Variants in OPCML observed in about 807,000 individuals in gnomAD.
OPCML encodes the protein opioid binding protein/cell adhesion molecule like, also known as opioid-binding protein/cell adhesion molecule.
OPCML carries 13 observed loss-of-function variants against 37.8 expected under a neutral mutation model. The ratio of observed to expected loss-of-function variants is 0.34; its 90% CI spans 0.22 to 0.55. The LOEUF (loss-of-function observed/expected upper bound fraction) is 0.55, where lower values mean the gene tolerates loss of function less well. OPCML is among the 20% of genes least tolerant of loss of function. OPCML has a pLI of 0.91. For synonymous variants in OPCML, 176 were observed against 168.8 expected (o/e 1.04, Z -0.33); for missense variants, 341 against 435.6 (o/e 0.78, Z 1.93).
At chr11:133,362,001 C>A in intron 1 of OPCML, 1 of 152,670 alleles carries the variant, frequency 6.6e-6, no homozygotes, top group Non-Finnish European at 1.5e-5. Context: ...CACCTGCAAG[C>A]CGGAGAAAAT....
intron 3 of OPCML, among the ~76,000 whole-genome samples, chr11:132,542,156 T>A (rs2096358161): frequency 6.6e-6 from 1 of 152,168 alleles, no homozygotes; most frequent in African/African-American, 2.4e-5. Flanking sequence ...CAATGGTCCC[T>A]GATGCCTCCA....
chr11:133,493,077 C>T (rs1010182234), intron 1 of OPCML, among the ~76,000 whole-genome samples: 5 of 152,234 alleles, frequency 3.3e-5, no homozygotes, highest in African/African-American at 4.8e-5. Context: ...CTCCTCTCCC[C>T]TCAAAACTCT....
intron 7 of OPCML, among the ~76,000 whole-genome samples, chr11:132,423,184 G>A (rs1235384844): frequency 6.6e-6 from 1 of 152,194 alleles, no homozygotes; most frequent in African/African-American, 2.4e-5. Flanking sequence ...GAACACTCTA[G>A]TCCCTAAAGT....
rs577936317 is a variant in OPCML, at chr11:133,079,200, C to T, written c.62-136190G>A. Among the ~76,000 whole-genome samples, 6 of 152,256 alleles carry T rather than the reference C, an allele frequency of 3.9e-5. No individual in the cohort carries two copies. In the South Asian group the frequency reaches 1.0e-3, roughly 26 times the overall value. ...TATGAAATTGCTTGTACTTTTGATA[C>T]GCATTTTAAGCTAGTGTAAGTAACG... On this transcript the variant is annotated intron_variant, in intron 1 of 7. Coordinates refer to ENST00000524381, the MANE Select transcript of OPCML (RefSeq NM_001012393.5).
chr11:132,498,515 T>C (rs2096238298), intron 4 of OPCML, among the ~76,000 whole-genome samples: 1 of 152,206 alleles, frequency 6.6e-6, no homozygotes. Flanking sequence ...CATACAACTT[T>C]TGAAGGAGAG....
At chr11:133,439,333 A>T (rs1372817433) in intron 1 of OPCML, 1 of 985,106 alleles carries the variant, frequency 1.0e-6, no homozygotes, top group Non-Finnish European at 1.2e-6. Flanking sequence ...GCAAAGAAAA[A>T]TAAAAACAAA....
chr11:132,942,580 G>C (rs112280167), intron 2 of OPCML, among the ~76,000 whole-genome samples: 55 of 146,206 alleles, frequency 3.8e-4, no homozygotes, highest in African/African-American at 1.3e-3. Flanking sequence ...GCCATCCAAG[G>C]GGCTCAGGCT....
chr11:133,054,545 A>C (rs995142339), intron 1 of OPCML, among the ~76,000 whole-genome samples: 4 of 152,110 alleles, frequency 2.6e-5, no homozygotes, highest in African/African-American at 9.7e-5. Flanking sequence ...TATTAACTTC[A>C]TCTATTTGTT....
chr11:133,405,481 G>A (rs999950204), intron 1 of OPCML, among the ~76,000 whole-genome samples: 1 of 152,114 alleles, frequency 6.6e-6, no homozygotes, highest in African/African-American at 2.4e-5. Flanking sequence ...TCTGCATTTG[G>A]GTCTTCCTTT....
At chr11:132,852,898 G>C (rs1333796672) in intron 2 of OPCML, among the ~76,000 whole-genome samples, 3 of 148,794 alleles carry the variant, frequency 2.0e-5, no homozygotes, top group Non-Finnish European at 3.0e-5. Flanking sequence ...AATTTTAAAA[G>C]GTTGTTAAAA....
At chr11:133,002,492 C>T (rs955151112) in intron 1 of OPCML, among the ~76,000 whole-genome samples, 7 of 152,130 alleles carry the variant, frequency 4.6e-5, no homozygotes, top group Non-Finnish European at 7.4e-5. Context: ...CACTTTCTAC[C>T]GAGGGGGTTC....
intron 2 of OPCML, among the ~76,000 whole-genome samples, chr11:132,926,256 T>C (rs938570742): frequency 2.6e-5 from 4 of 152,190 alleles, no homozygotes; most frequent in African/African-American, 9.6e-5. Context: ...ACTCTAAAGA[T>C]GTCAGAGGCA....
At chr11:132,837,312 T>A (rs11223240) in intron 2 of OPCML, among the ~76,000 whole-genome samples, 74 of 151,252 alleles carry the variant, frequency 4.9e-4, no homozygotes, top group African/African-American at 1.7e-3. Context: ...AAATTCCATC[T>A]CAAAAACAAA....
At chr11:132,780,572 C>T (rs1946973807) in intron 2 of OPCML, among the ~76,000 whole-genome samples, 1 of 152,176 alleles carries the variant, frequency 6.6e-6, no homozygotes, top group African/African-American at 2.4e-5. Flanking sequence ...CTGGTTTCCT[C>T]CTGCAAATCC....
intron 1 of OPCML, among the ~76,000 whole-genome samples, chr11:133,251,127 C>T (rs1941118962): frequency 6.6e-6 from 1 of 152,064 alleles, no homozygotes; most frequent in African/African-American, 2.4e-5. Flanking sequence ...ATGCTTATGG[C>T]TAAAAGATTA....
intron 2 of OPCML, among the ~76,000 whole-genome samples, chr11:132,823,588 AAAACAAAC>A (rs372296138): frequency 5.9e-5 from 9 of 151,990 alleles, no homozygotes; most frequent in South Asian, 2.1e-4. Flanking sequence ...ACTTATAAAT[AAAACAAAC>A]AAACAAACAA....
intron 7 of OPCML, among the ~76,000 whole-genome samples, chr11:132,428,535 A>G (rs1053103518): frequency 6.6e-6 from 1 of 152,238 alleles, no homozygotes; most frequent in Non-Finnish European, 1.5e-5. Flanking sequence ...ATGGGGCATC[A>G]TTGAGCAGAG....
chr11:132,794,466 A>G (rs187357219), intron 2 of OPCML, among the ~76,000 whole-genome samples: 3 of 152,280 alleles, frequency 2.0e-5, no homozygotes, highest in Admixed American at 2.0e-4. Context: ...CTAATGACCT[A>G]CAAGCCTAGG....
At chr11:133,160,557 G>A (rs2137215539) in intron 1 of OPCML, among the ~76,000 whole-genome samples, 1 of 152,354 alleles carries the variant, frequency 6.6e-6, no homozygotes, top group Middle Eastern at 3.4e-3. Flanking sequence ...CTGGTTTTGA[G>A]CCTAGGCTTC....
Sources: allele counts gnomAD v4.1 joint callset (sites outside exome capture counted in the v4.1 genomes callset), GRCh38; gene constraint gnomAD v4.1.1; transcripts MANE v1.5; gene names NCBI Gene and HGNC (gene_info 2026-07-23, HGNC 2026-07-21).